PSMC4: variants seen among roughly 807,000 people sequenced by gnomAD.
PSMC4 encodes the protein proteasome 26S subunit, ATPase 4.
In PSMC4, 13 loss-of-function variants were observed where a neutral mutation model predicts 48.4. That is an observed-to-expected ratio of 0.27 (90% CI 0.18 to 0.43). The LOEUF is 0.43. PSMC4 is among the 20% of genes least tolerant of loss of function. The probability of loss-of-function intolerance (pLI) is 1.00; values close to 1 mark genes in which losing one functional copy is unlikely to be tolerated. For missense variants in PSMC4, 262 were observed against 555.9 expected (o/e 0.47, Z 5.32); for synonymous variants, 202 against 212.3 (o/e 0.95, Z 0.42).
rs1971289132 is a variant in PSMC4 at position 39,981,702 on chromosome 19, T to A, written c.*397T>A. Among the ~76,000 whole-genome samples the A allele has an allele frequency of 6.6e-6, 1 of 152,044 alleles. No individual in the cohort carries two copies. The highest frequency in any genetic ancestry group is 6.6e-5 in the Admixed American group (1 of 15,244). ...CTACAGGTAAAAGACAGTAAAGAAA[T>A]TCAGGTCACAGGCCTTGGGAGTTCA... On this transcript the variant is annotated 3_prime_UTR_variant, in exon 11 of 11. Transcript: ENST00000157812.
intron 1 of PSMC4, 107 bp downstream of exon 1, chr19:39,971,345 G>A (rs990463366): frequency 1.5e-5 from 21 of 1,440,146 alleles, no homozygotes; most frequent in Non-Finnish European, 2.0e-5. Context: ...GGCCCAGGTT[G>A]GGGTTATTTT....
At position 39,974,255 on chromosome 19, in the gene PSMC4, AG is replaced by A. The variant is rs774285992; in HGVS notation, c.323-37del. 1.9e-6 allele frequency: 3 copies of A among 1,609,074 alleles called. No homozygotes were observed. Among genetic ancestry groups the A allele is most frequent in the South Asian group, 2.2e-5 (2 of 90,816 alleles). ...GAGGAAGGGGGAAGGGGCAGTTTCCAGGCTGACACTTCTCGTTTTCCTCTCT... is the reference window on the plus strand; with the variant it reads ...GAGGAAGGGGGAAGGGGCAGTTTCCAGCTGACACTTCTCGTTTTCCTCTCT... On this transcript the variant is annotated intron_variant, in intron 3 of 10. Transcript: ENST00000157812. This position sits in a 1 kb window ranked among gnomAD's most constrained non-coding sequence, Gnocchi z 5.5.
In PSMC4 at chr19:39,981,181, T is replaced by C. The variant is rs890464480; in HGVS notation, c.1144-11T>C. On this transcript the variant is annotated splice_polypyrimidine_tract_variant and intron_variant, in intron 10 of 10. Coordinates refer to ENST00000157812, the MANE Select transcript of PSMC4 (RefSeq NM_006503.4). ...CACAGGAAGTAGATTTTAACTCTCATCCTTCAACAGAGTGGAATGTTGGCT... is the reference window on the plus strand; with the variant it reads ...CACAGGAAGTAGATTTTAACTCTCACCCTTCAACAGAGTGGAATGTTGGCT... The C allele has an allele frequency of 1.9e-6, 3 of 1,607,728 alleles. No homozygotes were observed. The African/African-American group carries it at 4.0e-5, about 22-fold the overall frequency.
intron 6 of PSMC4, 90 bp from the exon 7 acceptor site, chr19:39,979,727 A>G (rs747498793): frequency 2.7e-5 from 35 of 1,296,162 alleles, no homozygotes; most frequent in Admixed American, 8.0e-5. Context: ...AAGGAAAAGG[A>G]TGTCTTCAAG....
Position 39,981,426 on chromosome 19 carries a change from G to T in PSMC4, c.*121G>T. On this transcript the variant is annotated 3_prime_UTR_variant, in exon 11 of 11. Coordinates refer to ENST00000157812, the MANE Select transcript of PSMC4 (RefSeq NM_006503.4). ...CCAGGATTGGTTTCTTCAATAAATA[G>T]ATAAGATCGAATCCATTTAATTTCT... is the stretch of plus-strand genomic sequence containing the variant. 1.5e-6 allele frequency: 1 copy of T among 676,616 alleles called. No individual in the cohort carries two copies. Among genetic ancestry groups the T allele is most frequent in the Admixed American group, 2.6e-5 (1 of 38,360 alleles). The allele number at this position is 676,616 out of a possible 1,614,324, so 41.9% of individuals were successfully genotyped here. A position where few individuals can be genotyped will look rare whatever the true frequency, so the allele number is the denominator to read the frequency against.
chr19:39,981,213 G>C lies in PSMC4; in HGVS notation c.1165G>C (p.Glu389Gln). Residue 389 changes from glutamate (E) to glutamine (Q), a missense_variant, in exon 11 of 11, where the codon GAA (glutamate) becomes CAA (glutamine). Physicochemically the swap from Glu to Gln is conservative, Grantham distance 29. Around this residue, in one of 4 missense-constraint regions of PSMC4, gnomAD observed 84 missense variants for 157.8 expected, o/e 0.53. Coordinates refer to ENST00000157812, the MANE Select transcript of PSMC4 (RefSeq NM_006503.4). ...ACAGAGTGGAATGTTGGCTGTCCGT[G>C]AAAACCGCTACATTGTCCTGGCCAA... ...CQESGMLAVR[E>Q]NRYIVLAKDF... 6.2e-7 allele frequency: 1 copy of C among 1,613,934 alleles called. No individual in the cohort carries two copies. Among genetic ancestry groups the C allele is most frequent in the Non-Finnish European group, 8.5e-7 (1 of 1,179,946 alleles).
rs201936053 is a variant in PSMC4, at chr19:39,974,618, C to T, written c.564C>T (p.Phe188=). Residue 188 remains phenylalanine, a synonymous_variant, in exon 5 of 11, where the codon TTC becomes TTT. Transcript: ENST00000157812. The surrounding 1 kb of genome is among the most constrained non-coding windows in gnomAD (Gnocchi z 5.5). ...REAVELPLTH[F]ELYKQIGIDP... ...CCGTGGAGCTCCCGCTCACGCATTT[C>T]GAGCTCTACAAGCAGGTGAGGCGGT... The T allele has an allele frequency of 7.3e-5, 118 of 1,614,056 alleles. 1 individual carries two copies. The Admixed American group carries it at 1.8e-3, about 25-fold the overall frequency.
intron 6 of PSMC4, among the ~76,000 whole-genome samples, chr19:39,976,828 T>C (rs1405325225): frequency 1.4e-5 from 2 of 146,020 alleles, no homozygotes; most frequent in East Asian, 2.1e-4. Flanking sequence ...TCTTAAAACA[T>C]GAGATTTTTT....
Position 39,972,463 on chromosome 19 carries a change from A to C in PSMC4, c.230A>C (p.Glu77Ala). 1 of 1,614,184 alleles carries C rather than the reference A, an allele frequency of 6.2e-7. No homozygotes were observed. Among genetic ancestry groups the C allele is most frequent in the South Asian group, 1.1e-5 (1 of 91,088 alleles). ...AAAAAGGAATTTCTCCATGCCCAGGAGGAGGTGAAGCGAATCCAAAGCATC... is the reference window on the plus strand; with the variant it reads ...AAAAAGGAATTTCTCCATGCCCAGGCGGAGGTGAAGCGAATCCAAAGCATC... ...NLKKEFLHAQ[E>A]EVKRIQSIPL... is the part of the protein sequence containing the mutation. The change falls in exon 3 of 11, where the codon GAG (glutamate) becomes GCG (alanine). Residue 77 changes from glutamate (E) to alanine (A), a missense_variant. Around this residue, in one of 4 missense-constraint regions of PSMC4, gnomAD observed 131 missense variants for 276.7 expected, o/e 0.47. Coordinates refer to ENST00000157812, the MANE Select transcript of PSMC4 (RefSeq NM_006503.4).
chr19:39,974,353 G>A lies in PSMC4; in HGVS notation c.382G>A (p.Ala128Thr). Residue 128 changes from alanine to threonine, a missense_variant, in exon 4 of 11, where the codon GCC (alanine) becomes ACC (threonine). By Grantham distance (58) the Ala-to-Thr change is moderately conservative (BLOSUM62 0). Transcript: ENST00000157812. The surrounding 1 kb of genome is among the most constrained non-coding windows in gnomAD (Gnocchi z 5.5). ...TIDRELLKPN[A>T]SVALHKHSNA... is the part of the protein sequence containing the mutation. ...CGATCGGGAGCTGCTCAAGCCCAAC[G>A]CCTCAGTGGCCCTCCACAAGCACAG... is the stretch of plus-strand genomic sequence containing the variant. 2.5e-6 allele frequency: 4 copies of A among 1,614,116 alleles called. No individual in the cohort carries two copies. The highest frequency in any genetic ancestry group is 2.2e-5 in the East Asian group (1 of 44,880).
chr19:39,979,432 A>G (rs189868677), intron 6 of PSMC4: 1 of 157,462 alleles, frequency 6.4e-6, no homozygotes, highest in Non-Finnish European at 1.4e-5. Context: ...ATGGCAGTGC[A>G]CGCCTGTAAT....
At chr19:39,978,363 G>A (rs977263519) in intron 6 of PSMC4, among the ~76,000 whole-genome samples, 1 of 152,134 alleles carries the variant, frequency 6.6e-6, no homozygotes, top group Non-Finnish European at 1.5e-5. Flanking sequence ...GTTTCATGTG[G>A]AACTGGTTGG....
In PSMC4 at chr19:39,972,299, C is replaced by T. The variant is rs777122241; in HGVS notation, c.135+55C>T. ...ACAGGACCTGACATCTCATACTCTTCCCCACTTTCCACCACTCTCTGGATC... is the reference window on the plus strand; with the variant it reads ...ACAGGACCTGACATCTCATACTCTTTCCCACTTTCCACCACTCTCTGGATC... On this transcript the variant is annotated intron_variant, in intron 2 of 10. Coordinates refer to ENST00000157812, the MANE Select transcript of PSMC4 (RefSeq NM_006503.4). 9 of 1,609,694 alleles carry T rather than the reference C, an allele frequency of 5.6e-6. No homozygotes were observed. The South Asian group carries it at 7.7e-5, about 14-fold the overall frequency.
intron 3 of PSMC4, among the ~76,000 whole-genome samples, chr19:39,972,963 C>G (rs1466664077): frequency 2.0e-5 from 3 of 152,034 alleles, no homozygotes; most frequent in Admixed American, 6.6e-5. Flanking sequence ...CCAGTCTGGT[C>G]TTGAACTCCT....
At chr19:39,976,401 C>CAA (rs757355957) in intron 6 of PSMC4, among the ~76,000 whole-genome samples, 187 of 44,464 alleles carry the variant, frequency 4.2e-3, no homozygotes, top group Non-Finnish European at 4.9e-3. Context: ...GACTCCGTCT[C>CAA]AAAAAAAAAA....
At chr19:39,971,996 A>T in intron 1 of PSMC4, 150 bp from the exon 2 acceptor site, 2 of 705,844 alleles carry the variant, frequency 2.8e-6, no homozygotes, top group South Asian at 3.6e-5. Flanking sequence ...GGTTTCCAGG[A>T]TCTATTTAGA....
intron 6 of PSMC4, among the ~76,000 whole-genome samples, chr19:39,975,934 G>A (rs753980527): frequency 1.3e-5 from 2 of 152,094 alleles, no homozygotes; most frequent in Non-Finnish European, 1.5e-5. Flanking sequence ...CACCCACTAT[G>A]TGCCAGGATG....
chr19:39,976,608 A>C (rs1971203335), intron 6 of PSMC4, among the ~76,000 whole-genome samples: 1 of 146,838 alleles, frequency 6.8e-6, no homozygotes, highest in African/African-American at 2.5e-5. Flanking sequence ...TCCCAGGTTC[A>C]CACCATTCTC....
At chr19:39,975,952 G>A (rs1490676771) in intron 6 of PSMC4, among the ~76,000 whole-genome samples, 2 of 152,112 alleles carry the variant, frequency 1.3e-5, no homozygotes, top group African/African-American at 2.4e-5. Flanking sequence ...ATGTGTTGTA[G>A]ATGCTAGAGA....
Sources: gnomAD v4.1 joint callset for allele counts (sites outside exome capture counted in the v4.1 genomes callset) on GRCh38, gnomAD v4.1.1 for gene constraint, gnomAD v4.1.1 regional missense constraint, Gnocchi (gnomAD v3.1) non-coding constraint, MANE v1.5 for transcripts, NCBI Gene and HGNC (gene_info 2026-07-23, HGNC 2026-07-21) for gene names.